The following SWT1 variants were observed in gnomAD, a reference collection of about 807,000 sequenced individuals.
The protein encoded by SWT1 is transcriptional protein SWT1.
Under a neutral mutation model 107.3 loss-of-function variants are expected in SWT1, and 33 were observed. That is an observed-to-expected ratio of 0.31 (90% CI 0.23 to 0.41). The LOEUF (loss-of-function observed/expected upper bound fraction) is 0.41. Ranked by LOEUF, SWT1 falls within the 10% of genes least tolerant of loss-of-function variation. The pLI, the probability that SWT1 is intolerant of heterozygous loss-of-function variation, is 1.00. For missense variants in SWT1, 898 were observed against 1,028.9 expected (o/e 0.87, Z 1.74); for synonymous variants, 345 against 348.3 (o/e 0.99, Z 0.11).
chr1:185,241,021 G>A (rs1365294299), intron 16 of SWT1, among the ~76,000 whole-genome samples: 1 of 151,854 alleles, frequency 6.6e-6, no homozygotes, highest in Non-Finnish European at 1.5e-5. Context: ...TATTAACTTC[G>A]CCTCTTTGAC....
chr1:185,186,686 A>G (rs1049606261), intron 9 of SWT1, among the ~76,000 whole-genome samples: 1 of 151,942 alleles, frequency 6.6e-6, no homozygotes, highest in Admixed American at 6.6e-5. Context: ...AATAGAGGTG[A>G]TATTTACCTG....
At chr1:185,274,618 T>A (rs963165051) in intron 17 of SWT1, among the ~76,000 whole-genome samples, 4 of 152,200 alleles carry the variant, frequency 2.6e-5, no homozygotes, top group Non-Finnish European at 5.9e-5. Context: ...TTTTCTTGAA[T>A]TTTTTAATTA....
rs756434050 is a variant in SWT1 at position 185,160,817 on chromosome 1, T to G, written c.-9-16T>G. Reference sequence around the variant, plus strand: ...GAGTGCAAAAACAAATCCTATATTTTTAATGTTTATGTTAGCTTTTCAGGA... The same window carrying G: ...GAGTGCAAAAACAAATCCTATATTTGTAATGTTTATGTTAGCTTTTCAGGA... On this transcript the variant is annotated splice_polypyrimidine_tract_variant and intron_variant, in intron 1 of 18. Transcript: ENST00000367500. 2 of 1,577,568 alleles carry G rather than the reference T, an allele frequency of 1.3e-6. No individual in the cohort carries two copies. The highest frequency in any genetic ancestry group is 3.7e-5 in the Admixed American group (2 of 54,718).
chr1:185,215,678 A>G (rs565437965), intron 14 of SWT1, among the ~76,000 whole-genome samples: 15 of 152,186 alleles, frequency 9.9e-5, no homozygotes, highest in Admixed American at 9.2e-4. Flanking sequence ...AGCTGGGTCT[A>G]CAGGCATGGC....
At chr1:185,250,758 G>A (rs1166633298) in intron 16 of SWT1, among the ~76,000 whole-genome samples, 1 of 152,140 alleles carries the variant, frequency 6.6e-6, no homozygotes, top group African/African-American at 2.4e-5. Context: ...CACCTCCCGG[G>A]TTCAAGTGAT....
chr1:185,210,879 C>G (rs1658739961), intron 13 of SWT1, among the ~76,000 whole-genome samples: 1 of 152,146 alleles, frequency 6.6e-6, no homozygotes, highest in Non-Finnish European at 1.5e-5. Flanking sequence ...GCAAAAATCA[C>G]AAGCATTCCA....
intron 16 of SWT1, among the ~76,000 whole-genome samples, chr1:185,234,990 C>T (rs1384424752): frequency 6.6e-6 from 1 of 152,160 alleles, no homozygotes; most frequent in African/African-American, 2.4e-5. Context: ...TGGACACATA[C>T]ACCCTCCCAA....
At chr1:185,206,211 C>T (rs1157058714) in intron 12 of SWT1, among the ~76,000 whole-genome samples, 1 of 152,122 alleles carries the variant, frequency 6.6e-6, no homozygotes, top group East Asian at 1.9e-4. Context: ...CCCACGTCGG[C>T]CTCCCAAAGA....
chr1:185,241,972 G>A (rs765746264), intron 16 of SWT1, among the ~76,000 whole-genome samples: 3 of 152,026 alleles, frequency 2.0e-5, no homozygotes, highest in Non-Finnish European at 4.4e-5. Context: ...ATGTCTCTTC[G>A]GGTTACATTG....
chr1:185,253,373 C>T, intron 16 of SWT1, among the ~76,000 whole-genome samples: 1 of 151,758 alleles, frequency 6.6e-6, no homozygotes, highest in Non-Finnish European at 1.5e-5. Flanking sequence ...TTACCTTGGG[C>T]AGTATGGCCA....
chr1:185,165,259 C>A (rs1654472046), intron 2 of SWT1, among the ~76,000 whole-genome samples: 1 of 152,088 alleles, frequency 6.6e-6, no homozygotes, highest in Non-Finnish European at 1.5e-5. Flanking sequence ...GGTCCCATAG[C>A]AGTATAACAA....
intron 5 of SWT1, chr1:185,176,451 C>A: frequency 2.1e-6 from 1 of 486,572 alleles, no homozygotes; most frequent in Non-Finnish European, 2.7e-6. Context: ...GAGCAGGGAT[C>A]TAGGCTAGAA....
At chr1:185,196,895 C>G (rs144594411) in intron 10 of SWT1, among the ~76,000 whole-genome samples, 27 of 152,234 alleles carry the variant, frequency 1.8e-4, no homozygotes, top group African/African-American at 6.5e-4. Flanking sequence ...ATGTCATCTG[C>G]AAATAGAGAC....
At chr1:185,166,357 A>T (rs909738718) in intron 2 of SWT1, among the ~76,000 whole-genome samples, 3 of 152,068 alleles carry the variant, frequency 2.0e-5, no homozygotes, top group Middle Eastern at 6.8e-3. Flanking sequence ...CCTATATCCC[A>T]CCTCATCTCT....
intron 2 of SWT1, among the ~76,000 whole-genome samples, chr1:185,161,771 G>A (rs1250159986): frequency 1.3e-5 from 2 of 152,122 alleles, no homozygotes; most frequent in African/African-American, 4.8e-5. Context: ...GCTGGGTATT[G>A]TCTCCAGGAA....
chr1:185,240,648 T>C (rs572795516), intron 16 of SWT1, among the ~76,000 whole-genome samples: 20 of 152,228 alleles, frequency 1.3e-4, no homozygotes, highest in Non-Finnish European at 1.6e-4. Flanking sequence ...AAAACCTCAG[T>C]TTCAATTTAG....
intron 18 of SWT1, among the ~76,000 whole-genome samples, chr1:185,278,903 G>A (rs1664431745): frequency 6.6e-6 from 1 of 152,186 alleles, no homozygotes; most frequent in Non-Finnish European, 1.5e-5. Context: ...TAGCAACAAA[G>A]TTAACTAGCA....
chr1:185,237,251 C>T (rs997522741), intron 16 of SWT1, among the ~76,000 whole-genome samples: 2 of 152,128 alleles, frequency 1.3e-5, no homozygotes, highest in Non-Finnish European at 2.9e-5. Context: ...CACATGCACA[C>T]ATATGTTTAT....
chr1:185,160,128 C>T (rs1412541255), intron 1 of SWT1, among the ~76,000 whole-genome samples: 2 of 152,114 alleles, frequency 1.3e-5, no homozygotes, highest in Non-Finnish European at 2.9e-5. Context: ...ATGTGATTTG[C>T]CAAAGTCTTG....
Sources: allele counts gnomAD v4.1 joint callset (sites outside exome capture counted in the v4.1 genomes callset), GRCh38; gene constraint gnomAD v4.1.1; transcripts MANE v1.5; gene names NCBI Gene and HGNC (gene_info 2026-07-23, HGNC 2026-07-21).